Variants in PRELID2 observed in about 807,000 individuals in gnomAD.
The protein encoded by PRELID2 is PRELI domain-containing protein 2.
In PRELID2, 25 loss-of-function variants were observed where a neutral mutation model predicts 28.4. That is an observed-to-expected ratio of 0.88 (90% CI 0.64 to 1.23). PRELID2 has a LOEUF of 1.23. Ranked by LOEUF, PRELID2 falls within the 50% of genes most tolerant of loss-of-function variation. The pLI is 0.00. For synonymous variants in PRELID2, 76 were observed against 71.6 expected (o/e 1.06, Z -0.31); for missense variants, 201 against 214.4 (o/e 0.94, Z 0.39).
chr5:145,736,684 C>A (rs942755792), intron 1 of PRELID2, among the ~76,000 whole-genome samples: 7 of 152,056 alleles, frequency 4.6e-5, no homozygotes, highest in Non-Finnish European at 7.4e-5. Flanking sequence ...GATAGATGAG[C>A]AACTGACGTG....
the PRELID2 span, among the ~76,000 whole-genome samples, chr5:145,296,511 G>A: frequency 1.3e-5 from 2 of 152,080 alleles, no homozygotes; most frequent in Admixed American, 1.3e-4. Flanking sequence ...TCCATACAAA[G>A]GACATGAACT....
chr5:145,358,502 G>C, the PRELID2 span, among the ~76,000 whole-genome samples: 1 of 152,066 alleles, frequency 6.6e-6, no homozygotes, highest in Non-Finnish European at 1.5e-5. Context: ...TGAGACTGCT[G>C]GGCCAGAGCC....
At chr5:145,248,216 C>T in the PRELID2 span, among the ~76,000 whole-genome samples, 2 of 152,086 alleles carry the variant, frequency 1.3e-5, no homozygotes, top group East Asian at 1.9e-4. Context: ...GTTCCCCCCC[C>T]TTCTTAACCC....
chr5:145,260,033 C>A, the PRELID2 span, among the ~76,000 whole-genome samples: 5 of 152,132 alleles, frequency 3.3e-5, no homozygotes, highest in African/African-American at 1.2e-4. Context: ...CTTGTGAGAT[C>A]TGGTCGTTTA....
chr5:145,462,293 A>G, the PRELID2 span, among the ~76,000 whole-genome samples: 1 of 152,230 alleles, frequency 6.6e-6, no homozygotes, highest in Non-Finnish European at 1.5e-5. Context: ...CATAGCTCCA[A>G]AAAGAAAACT....
At chr5:145,558,127 T>C (rs1194601660) in intron 1 of PRELID2, among the ~76,000 whole-genome samples, 2 of 152,240 alleles carry the variant, frequency 1.3e-5, no homozygotes, top group African/African-American at 4.8e-5. Flanking sequence ...TGTGTGGCTG[T>C]TACTTAAACT....
chr5:145,754,292 T>G (rs1487389171), downstream of PRELID2: 3 of 152,142 alleles, frequency 2.0e-5, no homozygotes, highest in Non-Finnish European at 4.4e-5. Flanking sequence ...TATTTGCTGG[T>G]GAGCTTTGGG....
At chr5:145,309,486 G>A in the PRELID2 span, among the ~76,000 whole-genome samples, 7 of 152,112 alleles carry the variant, frequency 4.6e-5, no homozygotes, top group African/African-American at 1.4e-4. Flanking sequence ...CCCTGCTGAC[G>A]GAAAGGATTC....
intron 1 of PRELID2, among the ~76,000 whole-genome samples, chr5:145,824,991 T>C (rs1209531924): frequency 6.6e-6 from 1 of 151,962 alleles, no homozygotes; most frequent in Non-Finnish European, 1.5e-5. Flanking sequence ...TTTGGGAGGC[T>C]GAGGCGGGTG....
chr5:145,264,988 A>G, the PRELID2 span, among the ~76,000 whole-genome samples: 12 of 151,214 alleles, frequency 7.9e-5, no homozygotes, highest in Admixed American at 7.9e-4. Context: ...AAAAAAAAAA[A>G]AAAAAAGGTA....
chr5:145,809,035 G>GTTTTTTTTTTT (rs1561633964), intron 4 of PRELID2, among the ~76,000 whole-genome samples: 1 of 128,642 alleles, frequency 7.8e-6, no homozygotes. Flanking sequence ...CTTTTTTTTT[G>GTTTTTTTTTTT]CTTTTTTTTT....
At chr5:145,527,882 CT>C (rs370906541) in intron 1 of PRELID2, among the ~76,000 whole-genome samples, 208 of 152,250 alleles carry the variant, frequency 1.4e-3, no homozygotes, top group South Asian at 8.5e-3. Context: ...AAAGTGTTAA[CT>C]TTATTATCTA....
intron 1 of PRELID2, among the ~76,000 whole-genome samples, chr5:145,688,382 T>C (rs760298133): frequency 6.6e-6 from 1 of 152,156 alleles, no homozygotes; most frequent in Non-Finnish European, 1.5e-5. Flanking sequence ...CCTTACTTCA[T>C]AAAAGTAAAA....
At chr5:145,597,169 A>C (rs1160281846) in intron 1 of PRELID2, among the ~76,000 whole-genome samples, 1 of 152,230 alleles carries the variant, frequency 6.6e-6, no homozygotes, top group Non-Finnish European at 1.5e-5. Flanking sequence ...GAGAAAATTT[A>C]TGACACTATT....
rs367773951 is a variant in PRELID2 at position 145,505,453 on chromosome 5, A to G, written n.71-32138T>C. On this transcript the variant is annotated intron_variant and non_coding_transcript_variant, in intron 1 of 2. Coordinates refer to the PRELID2 transcript ENST00000510259. The stretch of plus-strand genomic sequence containing the variant: ...CAAATAACTATACATGGTAGCCCTG[A>G]ACATCTTTTTCTTGATTACTATAAT... 5.3e-5 allele frequency among the ~76,000 whole-genome samples: 8 copies of G among 152,266 alleles called. No homozygotes were observed. In the South Asian group the frequency reaches 1.4e-3, roughly 28 times the overall value.
chr5:145,292,185 C>G, the PRELID2 span, among the ~76,000 whole-genome samples: 8 of 152,062 alleles, frequency 5.3e-5, no homozygotes, highest in Non-Finnish European at 8.8e-5. Context: ...CTCTAGGCGA[C>G]GAGGAAGATA....
At chr5:145,714,510 G>T (rs1755789873) in intron 1 of PRELID2, among the ~76,000 whole-genome samples, 1 of 151,964 alleles carries the variant, frequency 6.6e-6, no homozygotes, top group South Asian at 2.1e-4. Context: ...CAAAACACCA[G>T]GAAGCTAGGA....
At chr5:145,564,126 G>C (rs1752946188) in intron 1 of PRELID2, among the ~76,000 whole-genome samples, 1 of 152,180 alleles carries the variant, frequency 6.6e-6, no homozygotes, top group Non-Finnish European at 1.5e-5. Flanking sequence ...GACAACCAAA[G>C]TTAAAATGTC....
At chr5:145,318,986 C>G in the PRELID2 span, among the ~76,000 whole-genome samples, 3 of 152,178 alleles carry the variant, frequency 2.0e-5, no homozygotes, top group East Asian at 5.8e-4. Flanking sequence ...GGCGGTCCCA[C>G]AGCCGATCTC....
Sources: gnomAD v4.1 joint callset for allele counts (sites outside exome capture counted in the v4.1 genomes callset) on GRCh38, gnomAD v4.1.1 for gene constraint, MANE v1.5 for transcripts, NCBI Gene and HGNC (gene_info 2026-07-23, HGNC 2026-07-21) for gene names.